FRMD6: variants seen among roughly 807,000 people sequenced by gnomAD.
FRMD6 encodes FERM domain-containing protein 6.
In FRMD6, 37 loss-of-function variants were observed where a neutral mutation model predicts 73.2. The ratio of observed to expected loss-of-function variants is 0.51; its 90% CI spans 0.39 to 0.66. The LOEUF (loss-of-function observed/expected upper bound fraction) is 0.66. FRMD6 is among the 30% of genes least tolerant of loss of function. The pLI, the probability that FRMD6 is intolerant of heterozygous loss-of-function variation, is 0.00. For missense variants in FRMD6, 714 were observed against 780.5 expected, an observed-to-expected ratio of 0.91 and a Z score of 1.02; for synonymous variants, 273 against 282.2, an observed-to-expected ratio of 0.97 and a Z score of 0.33.
At chr14:51,438,738 T>C in the FRMD6 span, among the ~76,000 whole-genome samples, 1 of 152,260 alleles carries the variant, frequency 6.6e-6, no homozygotes, top group African/African-American at 2.4e-5. Flanking sequence ...CCCTTGATTT[T>C]TAATCTCCAG....
chr14:51,434,319 A>G, the FRMD6 span, among the ~76,000 whole-genome samples: 1 of 152,172 alleles, frequency 6.6e-6, no homozygotes, highest in African/African-American at 2.4e-5. Flanking sequence ...CCATTCTTCA[A>G]TAAAAGGAAC....
intron 2 of FRMD6, among the ~76,000 whole-genome samples, chr14:51,626,801 T>A (rs937002337): frequency 6.6e-6 from 1 of 152,186 alleles, no homozygotes; most frequent in Non-Finnish European, 1.5e-5. Flanking sequence ...AAAATAGAGA[T>A]AACTATTGTA....
chr14:51,578,000 G>A (rs1186931026), intron 2 of FRMD6, among the ~76,000 whole-genome samples: 1 of 152,056 alleles, frequency 6.6e-6, no homozygotes, highest in Non-Finnish European at 1.5e-5. Context: ...AATGAGTTCA[G>A]GCACGTAAAA....
chr14:51,666,093 C>T (rs998552843), intron 1 of FRMD6, among the ~76,000 whole-genome samples: 7 of 152,130 alleles, frequency 4.6e-5, no homozygotes, highest in Admixed American at 2.0e-4. Context: ...AGAAGTAGAA[C>T]GTAATCAAAA....
At chr14:51,569,556 T>G (rs1887990704) in intron 1 of FRMD6, among the ~76,000 whole-genome samples, 1 of 147,190 alleles carries the variant, frequency 6.8e-6, no homozygotes, top group Non-Finnish European at 1.5e-5. Context: ...CAGGCTGGCG[T>G]GCAGTGGTGT....
chr14:51,444,829 T>A, the FRMD6 span, among the ~76,000 whole-genome samples: 1 of 152,154 alleles, frequency 6.6e-6, no homozygotes, highest in African/African-American at 2.4e-5. Context: ...TTGTTGTCGA[T>A]GTTGGTGTCT....
intron 2 of FRMD6, chr14:51,638,058 G>C (rs550748098): frequency 6.6e-6 from 1 of 152,228 alleles, no homozygotes. Context: ...TGGAAGGATG[G>C]CTTCAGCCCA....
intron 2 of FRMD6, among the ~76,000 whole-genome samples, chr14:51,605,147 T>C (rs918053844): frequency 6.7e-6 from 1 of 149,156 alleles, no homozygotes; most frequent in Non-Finnish European, 1.5e-5. Flanking sequence ...TTCTTTTTTT[T>C]TTTTTTTTTT....
chr14:51,627,855 G>C (rs1360122935), intron 2 of FRMD6, among the ~76,000 whole-genome samples: 4 of 152,184 alleles, frequency 2.6e-5, no homozygotes, highest in African/African-American at 9.7e-5. Flanking sequence ...TTGGGGGATT[G>C]GTTCCAGGCT....
At chr14:51,687,147 T>C (rs1461305301) in intron 1 of FRMD6, among the ~76,000 whole-genome samples, 2 of 152,156 alleles carry the variant, frequency 1.3e-5, no homozygotes, top group Non-Finnish European at 1.5e-5. Context: ...AAATTTCAAG[T>C]TATTTTAATG....
chr14:51,585,939 G>GTGTGTGTGTATATATATATATATATA, intron 2 of FRMD6, among the ~76,000 whole-genome samples: 4 of 31,418 alleles, frequency 1.3e-4, no homozygotes, highest in Admixed American at 4.2e-4. Flanking sequence ...GTGTGTGTGT[G>GTGTGTGTGTATATATATATATATATA]TATATATATA....
At chr14:51,579,351 T>G (rs567206507) in intron 2 of FRMD6, 1 of 152,298 alleles carries the variant, frequency 6.6e-6, no homozygotes, top group East Asian at 1.9e-4. Flanking sequence ...TACCTCTCTA[T>G]CCTCACCTCA....
intron 5 of FRMD6, 56 bp from the exon 6 acceptor site, chr14:51,704,693 C>A (rs1896521259): frequency 2.1e-6 from 3 of 1,451,426 alleles, no homozygotes; most frequent in African/African-American, 1.4e-5. Context: ...GTTCTGTTTA[C>A]ATGTCATTGG....
the FRMD6 span, among the ~76,000 whole-genome samples, chr14:51,439,581 A>T: frequency 6.6e-6 from 1 of 152,212 alleles, no homozygotes; most frequent in Non-Finnish European, 1.5e-5. Flanking sequence ...AGGCAGGTCC[A>T]CAGTAAGTGA....
chr14:51,430,730 C>T, the FRMD6 span, among the ~76,000 whole-genome samples: 1 of 152,134 alleles, frequency 6.6e-6, no homozygotes, highest in Admixed American at 6.5e-5. Flanking sequence ...CAGTACAAAA[C>T]ATGAACTGCA....
chr14:51,461,231 C>A, the FRMD6 span, among the ~76,000 whole-genome samples: 1 of 152,188 alleles, frequency 6.6e-6, no homozygotes, highest in Non-Finnish European at 1.5e-5. Flanking sequence ...TTACAGTTGT[C>A]TGCAGTTTAA....
intron 13 of FRMD6, among the ~76,000 whole-genome samples, chr14:51,726,819 G>A (rs1212425756): frequency 6.6e-6 from 1 of 152,182 alleles, no homozygotes; most frequent in African/African-American, 2.4e-5. Context: ...TCACTCGGAT[G>A]TGACACTTCC....
At chr14:51,622,109 C>T (rs1168037854) in intron 2 of FRMD6, among the ~76,000 whole-genome samples, 1 of 152,212 alleles carries the variant, frequency 6.6e-6, no homozygotes, top group East Asian at 1.9e-4. Flanking sequence ...TCAGGTCCCT[C>T]ACTTGCACAG....
chr14:51,580,613 T>TG (rs1478783346), intron 2 of FRMD6, among the ~76,000 whole-genome samples: 1 of 152,144 alleles, frequency 6.6e-6, no homozygotes, highest in Non-Finnish European at 1.5e-5. Flanking sequence ...AGGTACCCTT[T>TG]GATTTTTGAG....
Sources: gnomAD v4.1 joint callset for allele counts (sites outside exome capture counted in the v4.1 genomes callset) on GRCh38, gnomAD v4.1.1 for gene constraint, MANE v1.5 for transcripts, NCBI Gene and HGNC (gene_info 2026-07-23, HGNC 2026-07-21) for gene names.